The following EBAG9 variants were observed in gnomAD, a reference collection of about 807,000 sequenced individuals.
The protein encoded by EBAG9 is estrogen receptor binding site associated antigen 9.
Under a neutral mutation model 30.9 loss-of-function variants are expected in EBAG9, and 16 were observed. The observed-to-expected ratio is 0.52, with a 90% CI of 0.35 to 0.79. EBAG9 has a LOEUF of 0.79. Ranked by LOEUF, EBAG9 falls within the 30% of genes least tolerant of loss-of-function variation. EBAG9 has a pLI of 0.01. For synonymous variants in EBAG9, 93 were observed against 82.8 expected, an observed-to-expected ratio of 1.12 and a Z score of -0.67; for missense variants, 197 against 242.1, an observed-to-expected ratio of 0.81 and a Z score of 1.24.
rs1189718856 is a variant in EBAG9, at chr8:109,553,942, A to G, written c.161A>G (p.Gln54Arg). 1 of 1,597,484 alleles carries G rather than the reference A, an allele frequency of 6.3e-7. No individual in the cohort carries two copies. The highest frequency in any genetic ancestry group is 2.3e-5 in the East Asian group (1 of 44,150). ...GTTGATTATTCATCAGTTCCTAAGCAGGTAGGTTTTTTTTGTGTGTTCTTT... is the reference window on the plus strand; with the variant it reads ...GTTGATTATTCATCAGTTCCTAAGCGGGTAGGTTTTTTTTGTGTGTTCTTT... Reference protein sequence around the residue: ...TTVDYSSVPKQTDVEEWTSWD... With the variant: ...TTVDYSSVPKRTDVEEWTSWD... The change falls in exon 3 of 7, where the codon CAG (glutamine) becomes CGG (arginine). Residue 54 changes from glutamine to arginine, a missense_variant and splice_region_variant. Coordinates refer to ENST00000337573, the MANE Select transcript of EBAG9 (RefSeq NM_004215.5).
chr8:109,552,815 G>C (rs1298088594), intron 2 of EBAG9, among the ~76,000 whole-genome samples: 1 of 152,048 alleles, frequency 6.6e-6, no homozygotes, highest in African/African-American at 2.4e-5. Context: ...ACCAGACTTG[G>C]CTAGGCATGG....
intron 1 of EBAG9, among the ~76,000 whole-genome samples, chr8:109,548,343 A>G (rs1241801400): frequency 1.3e-5 from 2 of 151,888 alleles, no homozygotes; most frequent in African/African-American, 2.4e-5. Context: ...CCATTGATCT[A>G]TTCGTGTATT....
chr8:109,553,838 A>G (rs756966123), intron 2 of EBAG9, 27 bp from the exon 3 acceptor site: 2 of 1,584,864 alleles, frequency 1.3e-6, no homozygotes, highest in South Asian at 2.3e-5. Context: ...GTGGTTCTTG[A>G]AATAAATTAT....
chr8:109,555,482 G>A (rs1821580478), intron 4 of EBAG9, among the ~76,000 whole-genome samples: 1 of 152,070 alleles, frequency 6.6e-6, no homozygotes, highest in African/African-American at 2.4e-5. Context: ...TGTACCCCAA[G>A]TCTTTTAAAA....
chr8:109,564,339 AT>A (rs1821772805), intron 6 of EBAG9, 99 bp from the exon 7 acceptor site: 4 of 1,448,950 alleles, frequency 2.8e-6, no homozygotes, highest in Non-Finnish European at 3.7e-6. Flanking sequence ...TCAACATTTT[AT>A]TTGGTGATAA....
Position 109,542,291 on chromosome 8 carries a change from GA to G in EBAG9, c.-16+1840del, listed in dbSNP as rs1001662499. 1.7e-4 allele frequency among the ~76,000 whole-genome samples: 24 copies of G among 145,354 alleles called. No homozygotes were observed. In the South Asian group the frequency reaches 2.2e-3, roughly 13 times the overall value. On this transcript the variant is annotated intron_variant, in intron 1 of 6. Transcript: ENST00000337573. ...AGACCCAGTTTCTATTTTTTATTGG[GA>G]AAAAAAAAACAACCTTTAAATTTTA... is the stretch of plus-strand genomic sequence containing the variant.
intron 5 of EBAG9, among the ~76,000 whole-genome samples, chr8:109,558,817 C>T (rs534569996): frequency 7.9e-5 from 12 of 152,210 alleles, no homozygotes; most frequent in South Asian, 6.2e-4. Flanking sequence ...ATTCATCATT[C>T]GTATTGTTGT....
At chr8:109,547,436 A>G (rs921490118) in intron 1 of EBAG9, among the ~76,000 whole-genome samples, 3 of 152,140 alleles carry the variant, frequency 2.0e-5, no homozygotes, top group African/African-American at 7.2e-5. Flanking sequence ...TCTAATGATT[A>G]AAGATGTTGA....
intron 1 of EBAG9, among the ~76,000 whole-genome samples, chr8:109,549,556 A>G (rs1408545180): frequency 6.6e-6 from 1 of 152,032 alleles, no homozygotes; most frequent in African/African-American, 2.4e-5. Context: ...TAATAGATAT[A>G]TAGATTTTCA....
intron 1 of EBAG9, among the ~76,000 whole-genome samples, chr8:109,547,352 T>C (rs1258068858): frequency 6.6e-6 from 1 of 152,210 alleles, no homozygotes; most frequent in Non-Finnish European, 1.5e-5. Flanking sequence ...GTACTTGCTA[T>C]GGTCATTATG....
chr8:109,549,024 C>T (rs1821442690), intron 1 of EBAG9, among the ~76,000 whole-genome samples: 1 of 150,856 alleles, frequency 6.6e-6, no homozygotes, highest in African/African-American at 2.4e-5. Flanking sequence ...CATTAAGTCT[C>T]ATATTACTGT....
At chr8:109,550,741 CT>C (rs548055812) in intron 1 of EBAG9, 68 bp from the exon 2 acceptor site, 4 of 893,820 alleles carry the variant, frequency 4.5e-6, no homozygotes, top group Non-Finnish European at 5.5e-6. Flanking sequence ...CATAATAGGT[CT>C]TTTCAGGACA....
chr8:109,559,864 A>C (rs1821677038), intron 5 of EBAG9, among the ~76,000 whole-genome samples: 1 of 152,024 alleles, frequency 6.6e-6, no homozygotes, highest in South Asian at 2.1e-4. Context: ...TACTGCGGTC[A>C]AGAGGATAAC....
chr8:109,555,707 C>A (rs985144400), intron 4 of EBAG9, among the ~76,000 whole-genome samples: 2 of 152,050 alleles, frequency 1.3e-5, no homozygotes, highest in African/African-American at 4.8e-5. Context: ...TGTTAGTCAT[C>A]CATACATTAT....
intron 1 of EBAG9, among the ~76,000 whole-genome samples, chr8:109,546,634 A>T (rs1364846512): frequency 6.6e-6 from 1 of 152,116 alleles, no homozygotes; most frequent in African/African-American, 2.4e-5. Flanking sequence ...ATTTTTTTGC[A>T]ATTTTTTTAG....
At chr8:109,550,773 A>G in intron 1 of EBAG9, 37 bp from the exon 2 acceptor site, 1 of 1,219,102 alleles carries the variant, frequency 8.2e-7, no homozygotes, top group Non-Finnish European at 1.2e-6. Context: ...TTTTGAAATC[A>G]ATTTAATGCA....
Position 109,558,823 on chromosome 8 carries a change from G to A in EBAG9, c.429+1781G>A, listed in dbSNP as rs577639678. On this transcript the variant is annotated intron_variant, in intron 5 of 6. Transcript: ENST00000337573. ...TTTTCTAGAATTCATCATTCGTATT[G>A]TTGTGAGAGTTCTTTTATACCAAAG... is the stretch of plus-strand genomic sequence containing the variant. Among the ~76,000 whole-genome samples the A allele has an allele frequency of 2.0e-5, 3 of 152,220 alleles. No individual in the cohort carries two copies. In the East Asian group the frequency reaches 5.8e-4, roughly 29 times the overall value.
intron 4 of EBAG9, 43 bp downstream of exon 4, chr8:109,554,930 G>C (rs765207148): frequency 5.2e-6 from 8 of 1,552,232 alleles, no homozygotes; most frequent in Non-Finnish European, 7.0e-6. Flanking sequence ...CTACTTTTTA[G>C]ATTCCTATAG....
intron 5 of EBAG9, chr8:109,557,797 GAC>G (rs1162480626): frequency 2.3e-6 from 1 of 434,062 alleles, no homozygotes; most frequent in Admixed American, 2.4e-5. Flanking sequence ...TCATTTCAAA[GAC>G]AGCTCACTTC....
Sources: gnomAD v4.1 joint callset for allele counts (sites outside exome capture counted in the v4.1 genomes callset) on GRCh38, gnomAD v4.1.1 for gene constraint, MANE v1.5 for transcripts, NCBI Gene and HGNC (gene_info 2026-07-23, HGNC 2026-07-21) for gene names.